The following CSMD1 variants were observed in gnomAD, a reference collection of about 807,000 sequenced individuals.
CSMD1 encodes the protein CUB and sushi domain-containing protein 1.
A neutral mutation model predicts 417.5 loss-of-function variants in CSMD1; 213 were observed. That is an observed-to-expected ratio of 0.51 (90% CI 0.46 to 0.57). The LOEUF is 0.57. CSMD1 is among the 20% of genes least tolerant of loss of function. The pLI, the probability that CSMD1 is intolerant of heterozygous loss-of-function variation, is 0.00. For synonymous variants in CSMD1, 2,862 were observed against 1,736.8 expected, an observed-to-expected ratio of 1.65 and a Z score of -16.11; for missense variants, 6,923 against 4,529.7, an observed-to-expected ratio of 1.53 and a Z score of -15.17.
intron 43 of CSMD1, among the ~76,000 whole-genome samples, chr8:3,109,343 A>G (rs1355213043): frequency 6.6e-6 from 1 of 152,206 alleles, no homozygotes; most frequent in Non-Finnish European, 1.5e-5. Flanking sequence ...AGCTTAATCT[A>G]TGGGGCATGG....
At chr8:4,324,206 C>T (rs757821697) in intron 3 of CSMD1, among the ~76,000 whole-genome samples, 10 of 152,222 alleles carry the variant, frequency 6.6e-5, no homozygotes, top group South Asian at 2.1e-4. Flanking sequence ...ACTGTGTCAT[C>T]GGAATGTATG....
intron 10 of CSMD1, among the ~76,000 whole-genome samples, chr8:3,544,002 C>G (rs1407424004): frequency 6.6e-6 from 1 of 152,118 alleles, no homozygotes; most frequent in Non-Finnish European, 1.5e-5. Context: ...GATCAAGAAG[C>G]AGAGTCTAAG....
At chr8:4,777,444 T>C (rs1235742720) in intron 1 of CSMD1, among the ~76,000 whole-genome samples, 1 of 152,148 alleles carries the variant, frequency 6.6e-6, no homozygotes, top group Non-Finnish European at 1.5e-5. Context: ...GTCACAATTG[T>C]TAGGGACAGA....
intron 26 of CSMD1, among the ~76,000 whole-genome samples, chr8:3,283,548 T>A (rs1182607227): frequency 1.3e-5 from 2 of 151,852 alleles, no homozygotes; most frequent in African/African-American, 2.4e-5. Context: ...TCAGAACCAC[T>A]CCAAAATATG....
At chr8:3,047,177 G>A (rs2128986703) in intron 50 of CSMD1, among the ~76,000 whole-genome samples, 1 of 130,716 alleles carries the variant, frequency 7.7e-6, no homozygotes, top group South Asian at 2.4e-4. Flanking sequence ...TCACACCACT[G>A]CACTTCAGCC....
In CSMD1 at chr8:2,994,114, C is replaced by T. The variant is rs372028270; in HGVS notation, c.8377+3897G>A. On this transcript the variant is annotated intron_variant, in intron 54 of 69. Coordinates refer to ENST00000635120, the MANE Select transcript of CSMD1 (RefSeq NM_033225.6). ...TGAGCTGAGATGGCGCCATTGCACT[C>T]CAGCCTGGGCAACAGAGCAAAACTC... is the stretch of plus-strand genomic sequence containing the variant. Among the ~76,000 whole-genome samples the T allele has an allele frequency of 3.8e-3, 490 of 127,810 alleles. 1 individual carries two copies. Among genetic ancestry groups the T allele is most frequent in the African/African-American group, 0.014 (453 of 32,212 alleles). 83.8% of individuals were successfully genotyped at this position (127,810 alleles called of 152,430 possible).
chr8:3,857,406 T>C (rs1032024956), intron 5 of CSMD1, among the ~76,000 whole-genome samples: 11 of 152,018 alleles, frequency 7.2e-5, no homozygotes, highest in African/African-American at 1.7e-4. Flanking sequence ...GAATAACAAG[T>C]GAAAAACAAA....
intron 1 of CSMD1, among the ~76,000 whole-genome samples, chr8:4,765,837 G>A (rs989691097): frequency 1.3e-5 from 2 of 152,146 alleles, no homozygotes; most frequent in African/African-American, 4.8e-5. Context: ...GTTAGAGAGA[G>A]CTTAGTAACT....
At chr8:4,164,949 C>A (rs955495308) in intron 3 of CSMD1, among the ~76,000 whole-genome samples, 3 of 151,904 alleles carry the variant, frequency 2.0e-5, no homozygotes, top group Non-Finnish European at 4.4e-5. Flanking sequence ...ACTTCATTAT[C>A]TGTTTCAACT....
intron 55 of CSMD1, among the ~76,000 whole-genome samples, chr8:2,976,763 A>C (rs1804964152): frequency 6.6e-6 from 1 of 152,170 alleles, no homozygotes. Context: ...CCTTTTCCTA[A>C]ATCTTCAGAC....
At chr8:4,439,148 C>G (rs1434136569) in intron 2 of CSMD1, among the ~76,000 whole-genome samples, 6 of 152,136 alleles carry the variant, frequency 3.9e-5, no homozygotes, top group African/African-American at 1.2e-4. Context: ...CTTGTTACTG[C>G]TGTGGTAAAG....
chr8:4,144,583 C>T (rs996393269), intron 3 of CSMD1, among the ~76,000 whole-genome samples: 3 of 150,968 alleles, frequency 2.0e-5, no homozygotes, highest in African/African-American at 5.0e-5. Flanking sequence ...TGCTCAGCTA[C>T]TGTTAAGTCA....
At chr8:3,061,932 A>G (rs916087769) in intron 49 of CSMD1, among the ~76,000 whole-genome samples, 10 of 152,186 alleles carry the variant, frequency 6.6e-5, no homozygotes, top group African/African-American at 2.4e-4. Flanking sequence ...GAGGGGTCAG[A>G]TATCAGAGTA....
At chr8:3,565,582 C>T (rs1341435858) in intron 10 of CSMD1, among the ~76,000 whole-genome samples, 1 of 152,172 alleles carries the variant, frequency 6.6e-6, no homozygotes. Context: ...AATGCCTCTT[C>T]TTCATCTCTC....
intron 6 of CSMD1, among the ~76,000 whole-genome samples, chr8:3,714,027 G>GATAGATAC (rs1801676346): frequency 8.8e-6 from 1 of 113,958 alleles, no homozygotes; most frequent in Admixed American, 9.1e-5. Flanking sequence ...TCACTATGCA[G>GATAGATAC]ATAGATAGAT....
intron 2 of CSMD1, among the ~76,000 whole-genome samples, chr8:4,564,191 T>C (rs2617036): frequency 1 from 152,127 of 152,370 alleles, 75,942 homozygotes; most frequent in Non-Finnish European, 1. Context: ...AGCTTTCAAA[T>C]ATTTTTCTTC....
In CSMD1 at chr8:4,277,175, A is replaced by G. The variant is rs73188100; in HGVS notation, c.415+142778T>C. On this transcript the variant is annotated intron_variant, in intron 3 of 69. Transcript: ENST00000635120. ...GTTTAATCCAACACTATACATACAT[A>G]TTTATATGTCATCTACAGATAACAT... Among the ~76,000 whole-genome samples the G allele has an allele frequency of 7.5e-3, 1,119 of 149,606 alleles. 9 individuals carry two copies. The highest frequency in any genetic ancestry group is 0.013 in the Non-Finnish European group (850 of 67,518).
At chr8:4,762,766 C>A (rs1486584674) in intron 1 of CSMD1, among the ~76,000 whole-genome samples, 1 of 152,130 alleles carries the variant, frequency 6.6e-6, no homozygotes, top group East Asian at 1.9e-4. Flanking sequence ...GCCTGAATCT[C>A]CTCTGAGCTC....
At chr8:4,763,411 G>C (rs955502835) in intron 1 of CSMD1, among the ~76,000 whole-genome samples, 5 of 152,150 alleles carry the variant, frequency 3.3e-5, no homozygotes, top group Admixed American at 1.3e-4. Context: ...TCTGTGCTGA[G>C]AGTAAAATAT....
Sources: allele counts gnomAD v4.1 joint callset (sites outside exome capture counted in the v4.1 genomes callset), GRCh38; gene constraint gnomAD v4.1.1; transcripts MANE v1.5; gene names NCBI Gene and HGNC (gene_info 2026-07-23, HGNC 2026-07-21).